Variants in GLDN observed in about 807,000 individuals in gnomAD.
The protein encoded by GLDN is collomin.
A neutral mutation model predicts 56.5 loss-of-function variants in GLDN; 47 were observed. That is an observed-to-expected ratio of 0.83 (90% CI 0.66 to 1.06). GLDN has a LOEUF of 1.06. Ranked by LOEUF, GLDN falls within the 50% of genes least tolerant of loss-of-function variation. The probability of loss-of-function intolerance (pLI) is 0.00; values close to 1 mark genes in which losing one functional copy is unlikely to be tolerated. For missense variants in GLDN, 782 were observed against 714.3 expected (o/e 1.09, Z -1.08); for synonymous variants, 332 against 278.8 (o/e 1.19, Z -1.90).
intron 1 of GLDN, among the ~76,000 whole-genome samples, chr15:51,362,949 T>A (rs1432533016): frequency 8.2e-6 from 1 of 122,024 alleles, no homozygotes; most frequent in African/African-American, 3.2e-5. Flanking sequence ...TTTAATGTGA[T>A]GTGAGAGGGG....
At chr15:51,354,484 GA>G (rs2037136943) in intron 1 of GLDN, among the ~76,000 whole-genome samples, 1 of 152,178 alleles carries the variant, frequency 6.6e-6, no homozygotes, top group South Asian at 2.1e-4. Flanking sequence ...GGGCACTGAA[GA>G]AGAGAGAAAA....
At chr15:51,349,945 G>A (rs764492943) in intron 1 of GLDN, among the ~76,000 whole-genome samples, 6 of 151,974 alleles carry the variant, frequency 3.9e-5, no homozygotes, top group Admixed American at 1.3e-4. Flanking sequence ...GGGTTTCACC[G>A]TGTTAGCCAG....
intron 1 of GLDN, among the ~76,000 whole-genome samples, chr15:51,355,711 G>T (rs1182343219): frequency 6.7e-6 from 1 of 150,004 alleles, no homozygotes; most frequent in Admixed American, 6.6e-5. Flanking sequence ...TTTTAGTAGA[G>T]ACGGGGTTTC....
chr15:51,351,549 A>C (rs1440489757), intron 1 of GLDN, among the ~76,000 whole-genome samples: 1 of 152,182 alleles, frequency 6.6e-6, no homozygotes, highest in Non-Finnish European at 1.5e-5. Flanking sequence ...TGTGAGTTCC[A>C]GAATAATTTC....
chr15:51,401,517 T>A (rs2038248708), intron 8 of GLDN, 76 bp from the exon 9 acceptor site: 1 of 1,390,004 alleles, frequency 7.2e-7, no homozygotes, highest in Admixed American at 1.9e-5. Context: ...GCCTTTGAAA[T>A]TCCTCCCAAG....
At chr15:51,395,283 A>G (rs1199516551) in intron 5 of GLDN, among the ~76,000 whole-genome samples, 1 of 152,244 alleles carries the variant, frequency 6.6e-6, no homozygotes, top group East Asian at 1.9e-4. Context: ...ATCCAGAATA[A>G]GACAAGTAAG....
intron 1 of GLDN, among the ~76,000 whole-genome samples, chr15:51,366,224 C>T (rs140576279): frequency 6.6e-6 from 1 of 152,196 alleles, no homozygotes; most frequent in East Asian, 1.9e-4. Context: ...CGGAGGCCAC[C>T]TTTGGGAGTG....
chr15:51,362,352 G>T (rs757992627), intron 1 of GLDN, among the ~76,000 whole-genome samples: 4 of 152,070 alleles, frequency 2.6e-5, no homozygotes, highest in South Asian at 2.1e-4. Context: ...CAGCATGGTG[G>T]TGCATGCCTG....
chr15:51,409,091 G>GA (rs1555406845), downstream of GLDN, among the ~76,000 whole-genome samples: 2 of 145,358 alleles, frequency 1.4e-5, no homozygotes, highest in Non-Finnish European at 3.0e-5. Flanking sequence ...TGTTCTTATG[G>GA]CTTATCTAGG....
intron 1 of GLDN, among the ~76,000 whole-genome samples, chr15:51,355,936 G>A (rs1015704562): frequency 4.0e-5 from 6 of 150,908 alleles, no homozygotes; most frequent in Middle Eastern, 6.8e-3. Context: ...AGCCGGGTGT[G>A]GTGGCTCACG....
chr15:51,367,136 C>T lies in GLDN; in HGVS notation c.364-10313C>T, dbSNP rs779001694. The stretch of plus-strand genomic sequence containing the variant: ...TAGTAAGAAGAACCTCCTAGGCCAT[C>T]TGCGGCCTCTGCTGGCTTATCCAGC... On this transcript the variant is annotated intron_variant, in intron 1 of 9. Coordinates refer to ENST00000335449, the MANE Select transcript of GLDN (RefSeq NM_181789.4). Among the ~76,000 whole-genome samples the T allele has an allele frequency of 1.1e-3, 172 of 152,240 alleles. 2 individuals are homozygous for T. Among genetic ancestry groups the T allele is most frequent in the Non-Finnish European group, 2.1e-3 (142 of 68,048 alleles).
At position 51,401,683 on chromosome 15, in the gene GLDN, G is replaced by A; in HGVS notation, c.1118G>A (p.Gly373Glu). 6.2e-7 allele frequency: 1 copy of A among 1,614,138 alleles called. No homozygotes were observed. The highest frequency in any genetic ancestry group is 8.5e-7 in the Non-Finnish European group (1 of 1,179,992). The change falls in exon 9 of 10, where the codon GGG becomes GAG. Residue 373 changes from glycine to glutamate, a missense_variant. Gly to Glu is a moderately conservative substitution (Grantham distance 98). Coordinates refer to ENST00000335449, the MANE Select transcript of GLDN (RefSeq NM_181789.4). ...CTTCCATACTATTTCCATGGCTGTG[G>A]GCACGTTGTTTACAACAACTCTCTC... is the stretch of plus-strand genomic sequence containing the variant. The part of the protein sequence containing the change: ...IHLPYYFHGC[G>E]HVVYNNSLYY...
intron 2 of GLDN, among the ~76,000 whole-genome samples, chr15:51,378,911 T>C (rs1199334129): frequency 6.6e-6 from 1 of 152,156 alleles, no homozygotes; most frequent in Admixed American, 6.5e-5. Context: ...AGCATTGGTC[T>C]CGAGCCCTAA....
intron 3 of GLDN, among the ~76,000 whole-genome samples, 166 bp downstream of exon 3, chr15:51,383,619 C>G (rs770100057): frequency 1.3e-5 from 2 of 152,214 alleles, no homozygotes; most frequent in Non-Finnish European, 1.5e-5. Flanking sequence ...ACCATCCCCC[C>G]ACTTGGCACT....
In GLDN at chr15:51,400,468, G is replaced by T; in HGVS notation, c.997G>T (p.Asp333Tyr). Residue 333 changes from aspartate (D) to tyrosine (Y), a missense_variant, in exon 8 of 10, where the codon GAC becomes TAC. Transcript: ENST00000335449. ...WIRESANKSDDRIWVTEHFSG... is the reference protein window; with the variant it reads ...WIRESANKSDYRIWVTEHFSG... ...AAGAGAGTCTGCTAACAAGAGTGAT[G>T]ACCGGATTTGGGTGACAGAGCATTT... The T allele has an allele frequency of 6.2e-7, 1 of 1,614,142 alleles. No homozygotes were observed. Among genetic ancestry groups the T allele is most frequent in the South Asian group, 1.1e-5 (1 of 91,026 alleles).
At chr15:51,349,621 A>C (rs1177524931) in intron 1 of GLDN, among the ~76,000 whole-genome samples, 2 of 152,246 alleles carry the variant, frequency 1.3e-5, no homozygotes, top group Non-Finnish European at 2.9e-5. Context: ...GCAGGTTTGA[A>C]TAGTTGCAGC....
intron 4 of GLDN, among the ~76,000 whole-genome samples, chr15:51,390,685 T>C (rs1342340884): frequency 2.0e-5 from 3 of 152,084 alleles, no homozygotes; most frequent in Non-Finnish European, 4.4e-5. Flanking sequence ...TCACCCCATG[T>C]TGTGAAGATG....
chr15:51,394,246 C>T lies in GLDN; in HGVS notation c.542-589C>T, dbSNP rs548635218. On this transcript the variant is annotated intron_variant, in intron 4 of 9. Transcript: ENST00000335449. The stretch of plus-strand genomic sequence containing the variant: ...TTAGGCCTTCCTTACCTTCTTTCCA[C>T]TGTTGCTGCCATCGCCCCCTCTTGT... Among the ~76,000 whole-genome samples the T allele has an allele frequency of 4.6e-5, 7 of 152,342 alleles. No homozygotes were observed. The East Asian group carries it at 1.2e-3, about 25-fold the overall frequency.
intron 1 of GLDN, among the ~76,000 whole-genome samples, chr15:51,357,655 G>A (rs2445777): frequency 7.2e-5 from 11 of 152,248 alleles, no homozygotes; most frequent in African/African-American, 2.4e-4. Flanking sequence ...GACTAGAGGC[G>A]GAAAACTGTC....
Sources: allele counts gnomAD v4.1 joint callset (sites outside exome capture counted in the v4.1 genomes callset), GRCh38; gene constraint gnomAD v4.1.1; transcripts MANE v1.5; gene names NCBI Gene and HGNC (gene_info 2026-07-23, HGNC 2026-07-21).